Variants in SUN1 observed in about 807,000 individuals in gnomAD.
SUN1 encodes the protein Sad1 and UNC84 domain containing 1.
A neutral mutation model predicts 103.2 loss-of-function variants in SUN1; 61 were observed. The ratio of observed to expected loss-of-function variants is 0.59; its 90% CI spans 0.48 to 0.73. The LOEUF (loss-of-function observed/expected upper bound fraction) is 0.73. Among genes scored for constraint, SUN1 ranks in the 30% least tolerant of loss-of-function variants. The pLI is 0.00. For missense variants in SUN1, 1,052 were observed against 1,034.6 expected (o/e 1.02, Z -0.23); for synonymous variants, 490 against 425.7 (o/e 1.15, Z -1.86).
chr7:846,811 G>A (rs1028568980), intron 5 of SUN1, among the ~76,000 whole-genome samples: 1 of 152,058 alleles, frequency 6.6e-6, no homozygotes, highest in South Asian at 2.1e-4. Context: ...CAGGAGGCTT[G>A]AGACCAGCCT....
At chr7:854,855 C>T in intron 10 of SUN1, 65 bp from the exon 11 acceptor site, 2 of 1,270,866 alleles carry the variant, frequency 1.6e-6, no homozygotes, top group Non-Finnish European at 2.3e-6. Context: ...ACGCCTTGGC[C>T]TGATTTGCCA....
At chr7:847,889 G>A (rs534399663) in intron 5 of SUN1, among the ~76,000 whole-genome samples, 16 of 139,820 alleles carry the variant, frequency 1.1e-4, no homozygotes, top group Admixed American at 3.5e-4. Context: ...ACCCCGCAGC[G>A]CCGTCTCCGG....
intron 16 of SUN1, 152 bp from the exon 17 acceptor site, chr7:869,197 C>T (rs1318862686): frequency 5.3e-6 from 5 of 939,602 alleles, no homozygotes; most frequent in Middle Eastern, 3.0e-4. Flanking sequence ...ATTACAAATG[C>T]CTTTCCCAGC....
At chr7:824,379 T>G (rs1233681109) in intron 1 of SUN1, among the ~76,000 whole-genome samples, 1 of 152,222 alleles carries the variant, frequency 6.6e-6, no homozygotes, top group Non-Finnish European at 1.5e-5. Flanking sequence ...TGGCTGCAGA[T>G]GAGTTCTCCA....
chr7:868,384 G>A (rs1481977999), intron 16 of SUN1: 9 of 262,486 alleles, frequency 3.4e-5, no homozygotes, highest in South Asian at 1.1e-4. Flanking sequence ...GCAGCAGGCC[G>A]ACCTTGCCAG....
chr7:866,782 C>T (rs1213106758), intron 16 of SUN1, among the ~76,000 whole-genome samples: 2 of 138,936 alleles, frequency 1.4e-5, no homozygotes, highest in African/African-American at 5.6e-5. Flanking sequence ...CCCACCCCTC[C>T]CCGCCCCCTT....
At chr7:856,779 G>A (rs1198611443) in intron 12 of SUN1, among the ~76,000 whole-genome samples, 1 of 152,170 alleles carries the variant, frequency 6.6e-6, no homozygotes, top group South Asian at 2.1e-4. Context: ...CCGGGCCTCC[G>A]CTGGCACCGT....
chr7:840,088 A>T (rs534160683), intron 2 of SUN1, among the ~76,000 whole-genome samples: 1 of 152,180 alleles, frequency 6.6e-6, no homozygotes, highest in African/African-American at 2.4e-5. Context: ...CGTTCCAGTC[A>T]TCTTTCTCTC....
chr7:827,337 G>GT (rs1240017564), intron 1 of SUN1, among the ~76,000 whole-genome samples: 1 of 151,180 alleles, frequency 6.6e-6, no homozygotes, highest in Non-Finnish European at 1.5e-5. Context: ...GACCCATTTA[G>GT]TTTTGTTCTG....
chr7:816,617 A>C (rs1780579439), exon 1 of SUN1: 3 of 388,418 alleles, frequency 7.7e-6, no homozygotes, highest in Non-Finnish European at 1.5e-5. Flanking sequence ...GCGTGGGCAG[A>C]GCGTCTTCTC....
intron 5 of SUN1, among the ~76,000 whole-genome samples, chr7:846,265 T>C (rs538611175): frequency 2.0e-4 from 31 of 151,226 alleles, no homozygotes; most frequent in Admixed American, 1.5e-3. Flanking sequence ...CCCACTACCA[T>C]GCCCGGCTAA....
At chr7:861,522 G>C (rs902147303) in intron 15 of SUN1, 58 bp downstream of exon 15, 2 of 1,569,862 alleles carry the variant, frequency 1.3e-6, no homozygotes, top group Non-Finnish European at 1.8e-6. Context: ...GCAGGGGTGT[G>C]CACTTGAGAG....
At chr7:872,410 T>C (rs1269087996) in intron 17 of SUN1, 60 bp from the exon 18 acceptor site, 1 of 1,405,866 alleles carries the variant, frequency 7.1e-7, no homozygotes, top group South Asian at 1.2e-5. Flanking sequence ...AAGGGAACGG[T>C]CCTCTCTGCT....
At chr7:869,674 G>C (rs545969843) in intron 17 of SUN1, among the ~76,000 whole-genome samples, 158 bp downstream of exon 17, 27 of 152,274 alleles carry the variant, frequency 1.8e-4, no homozygotes, top group African/African-American at 6.5e-4. Context: ...TGCTTTTCTA[G>C]GGAGGGTAAC....
upstream of SUN1, among the ~76,000 whole-genome samples, chr7:831,202 C>T (rs1797613363): frequency 6.6e-6 from 1 of 151,846 alleles, no homozygotes; most frequent in South Asian, 2.1e-4. Context: ...GTGAACTGGA[C>T]TTGCCGAGCC....
chr7:826,023 G>A (rs1033657149), intron 1 of SUN1, among the ~76,000 whole-genome samples: 21 of 152,142 alleles, frequency 1.4e-4, no homozygotes, highest in African/African-American at 4.3e-4. Context: ...AAAATCGCTT[G>A]AGGCCAGGAG....
At chr7:855,874 G>A (rs1157449915) in intron 11 of SUN1, among the ~76,000 whole-genome samples, 3 of 151,966 alleles carry the variant, frequency 2.0e-5, no homozygotes, top group African/African-American at 7.3e-5. Context: ...TCCTGTGTCC[G>A]CCCGAGAAGG....
intron 15 of SUN1, among the ~76,000 whole-genome samples, chr7:864,642 G>A (rs1446987430): frequency 1.3e-5 from 2 of 149,106 alleles, no homozygotes; most frequent in South Asian, 2.1e-4. Context: ...TTCATTTTTC[G>A]TAGAGACAAA....
At chr7:822,647 G>A (rs1343699570) in intron 1 of SUN1, among the ~76,000 whole-genome samples, 3 of 151,990 alleles carry the variant, frequency 2.0e-5, no homozygotes, top group Non-Finnish European at 2.9e-5. Context: ...TATTCACCTT[G>A]AGCCTGGTAC....
Sources: allele counts gnomAD v4.1 joint callset (sites outside exome capture counted in the v4.1 genomes callset), GRCh38; gene constraint gnomAD v4.1.1; transcripts MANE v1.5; gene names NCBI Gene and HGNC (gene_info 2026-07-23, HGNC 2026-07-21).